The following IGF2BP2 variants were observed in gnomAD, a reference collection of about 807,000 sequenced individuals.
IGF2BP2 encodes insulin like growth factor 2 mRNA binding protein 2.
Under a neutral mutation model 75.8 loss-of-function variants are expected in IGF2BP2, and 17 were observed. The ratio of observed to expected loss-of-function variants is 0.22; its 90% CI spans 0.15 to 0.34. The LOEUF (loss-of-function observed/expected upper bound fraction) is 0.34. Ranked by LOEUF, IGF2BP2 falls within the 10% of genes least tolerant of loss-of-function variation. The probability of loss-of-function intolerance (pLI) is 1.00; values close to 1 mark genes in which losing one functional copy is unlikely to be tolerated. For synonymous variants in IGF2BP2, 288 were observed against 295.6 expected (o/e 0.97, Z 0.26); for missense variants, 516 against 772.4 (o/e 0.67, Z 3.93).
rs114386779 is a variant in IGF2BP2 at position 185,647,304 on chromosome 3, A to G, written c.1594-166T>C. ...CACCCCGGGGGCTCCTCTGCCCCTG[A>G]GCACATGGGGCCATGTTGGTTGGGC... On this transcript the variant is annotated intron_variant, in intron 14 of 15. Transcript: ENST00000382199. This position sits in a 1 kb window ranked among gnomAD's most constrained non-coding sequence, Gnocchi z 4.9. Among the ~76,000 whole-genome samples, 689 of 152,138 alleles carry G rather than the reference A, an allele frequency of 4.5e-3. 5 individuals are homozygous for G. Among genetic ancestry groups the G allele is most frequent in the African/African-American group, 0.015 (639 of 41,510 alleles).
chr3:185,785,478 G>A (rs1029551315), intron 2 of IGF2BP2, among the ~76,000 whole-genome samples: 3 of 151,920 alleles, frequency 2.0e-5, no homozygotes, highest in Non-Finnish European at 4.4e-5. Flanking sequence ...ATATATCAGG[G>A]AGACTTAAGC....
At chr3:185,767,817 A>G (rs1733297881) in intron 2 of IGF2BP2, 1 of 154,180 alleles carries the variant, frequency 6.5e-6, no homozygotes, top group Admixed American at 6.5e-5. Flanking sequence ...CCATTTTGGA[A>G]AGCATTGGCA....
chr3:185,786,563 C>T (rs1227661955), intron 2 of IGF2BP2, among the ~76,000 whole-genome samples: 1 of 141,076 alleles, frequency 7.1e-6, no homozygotes, highest in African/African-American at 3.2e-5. Flanking sequence ...AAGAGAAAAA[C>T]CCCCTTTGAT....
At chr3:185,716,343 C>T in intron 2 of IGF2BP2, 1 of 416,470 alleles carries the variant, frequency 2.4e-6, no homozygotes, top group Non-Finnish European at 4.7e-6. Context: ...ACTGACGTAA[C>T]TGATTTGCCT....
rs1329335468 is a variant in IGF2BP2, at chr3:185,645,302, C to T, written c.*229G>A. 6 of 548,072 alleles carry T rather than the reference C, an allele frequency of 1.1e-5. No homozygotes were observed. Among genetic ancestry groups the T allele is most frequent in the South Asian group, 5.0e-5 (2 of 39,928 alleles). The allele number at this position is 548,072 out of a possible 1,614,324, so 34.0% of individuals were successfully genotyped here. ...TGAAGCCTGCAGAAGCCCTGGGGGG[C>T]GGGAGGCGGGGCTCGGTGGTTCTGG... On this transcript the variant is annotated 3_prime_UTR_variant, in exon 16 of 16. Transcript: ENST00000382199. This position sits in a 1 kb window ranked among gnomAD's most constrained non-coding sequence, Gnocchi z 4.9.
At chr3:185,781,249 A>G (rs1031501973) in intron 2 of IGF2BP2, among the ~76,000 whole-genome samples, 12 of 152,218 alleles carry the variant, frequency 7.9e-5, no homozygotes, top group Non-Finnish European at 1.6e-4. Flanking sequence ...AAACTCAACA[A>G]ATACAAAAGC....
chr3:185,685,317 C>T (rs1040533402), intron 7 of IGF2BP2, among the ~76,000 whole-genome samples: 7 of 150,646 alleles, frequency 4.6e-5, no homozygotes, highest in African/African-American at 1.2e-4. Context: ...CCATTGTACT[C>T]GACAAGAGTG....
intron 2 of IGF2BP2, among the ~76,000 whole-genome samples, chr3:185,721,479 G>T (rs1726534529): frequency 6.6e-6 from 1 of 152,108 alleles, no homozygotes; most frequent in Non-Finnish European, 1.5e-5. Context: ...TGGGATTACA[G>T]GCATAGCCAC....
chr3:185,752,195 A>G (rs1417367142), intron 2 of IGF2BP2, among the ~76,000 whole-genome samples: 1 of 152,030 alleles, frequency 6.6e-6, no homozygotes, highest in Non-Finnish European at 1.5e-5. Flanking sequence ...TCTCTCGCAC[A>G]TGTTATGTCT....
intron 2 of IGF2BP2, among the ~76,000 whole-genome samples, chr3:185,794,960 C>T (rs956788581): frequency 6.6e-6 from 1 of 151,854 alleles, no homozygotes; most frequent in African/African-American, 2.4e-5. Flanking sequence ...TGCAGTGGCG[C>T]TCTCTCTGCT....
intron 2 of IGF2BP2, among the ~76,000 whole-genome samples, chr3:185,755,974 T>C (rs143378236): frequency 2.6e-3 from 394 of 152,272 alleles, no homozygotes; most frequent in Non-Finnish European, 4.7e-3. Flanking sequence ...GACATGAGAT[T>C]GGAGGGGCCA....
chr3:185,678,098 A>G (rs552747504), intron 7 of IGF2BP2, among the ~76,000 whole-genome samples: 8 of 152,316 alleles, frequency 5.3e-5, no homozygotes, highest in African/African-American at 1.9e-4. Flanking sequence ...CATACAAATC[A>G]AAAAATTTAA....
intron 2 of IGF2BP2, chr3:185,713,181 T>TAC (rs1233634089): frequency 1.7e-5 from 6 of 346,344 alleles, no homozygotes; most frequent in East Asian, 1.5e-4. Context: ...CAAGGAACTG[T>TAC]ACCACTGTCA....
At chr3:185,705,082 A>G (rs1723826933) in intron 2 of IGF2BP2, among the ~76,000 whole-genome samples, 1 of 152,196 alleles carries the variant, frequency 6.6e-6, no homozygotes, top group African/African-American at 2.4e-5. Context: ...TAAATTAAAT[A>G]CTGTGGTGAC....
chr3:185,682,245 G>T (rs1720496091), intron 7 of IGF2BP2, among the ~76,000 whole-genome samples: 1 of 152,170 alleles, frequency 6.6e-6, no homozygotes, highest in African/African-American at 2.4e-5. Flanking sequence ...TGAAAGATAG[G>T]ACTTTTAGGA....
At chr3:185,722,284 G>C in intron 2 of IGF2BP2, 1 of 456,082 alleles carries the variant, frequency 2.2e-6, no homozygotes, top group South Asian at 1.5e-5. Context: ...CACAAAAAGA[G>C]GAAATCACCA....
intron 2 of IGF2BP2, among the ~76,000 whole-genome samples, chr3:185,791,684 G>C (rs1736658388): frequency 6.6e-6 from 1 of 152,096 alleles, no homozygotes; most frequent in South Asian, 2.1e-4. Flanking sequence ...TCTTTAGTAG[G>C]AAGAAGAGAG....
intron 2 of IGF2BP2, among the ~76,000 whole-genome samples, chr3:185,715,981 G>A (rs945407265): frequency 1.3e-5 from 2 of 152,006 alleles, no homozygotes; most frequent in Admixed American, 6.6e-5. Flanking sequence ...TGGCTGCCAG[G>A]TCCACTTAAC....
intron 2 of IGF2BP2, among the ~76,000 whole-genome samples, chr3:185,750,793 C>T (rs564966222): frequency 6.6e-6 from 1 of 152,334 alleles, no homozygotes; most frequent in East Asian, 1.9e-4. Context: ...TACTCAAGTT[C>T]AAAAATGTCT....
Sources: gnomAD v4.1 joint callset for allele counts (sites outside exome capture counted in the v4.1 genomes callset) on GRCh38, gnomAD v4.1.1 for gene constraint, Gnocchi (gnomAD v3.1) non-coding constraint, MANE v1.5 for transcripts, NCBI Gene and HGNC (gene_info 2026-07-23, HGNC 2026-07-21) for gene names.